Variants in SHPRH observed in about 807,000 individuals in gnomAD.
SHPRH encodes the protein SNF2 histone linker PHD RING helicase, also known as E3 ubiquitin-protein ligase SHPRH.
In SHPRH, 106 loss-of-function variants were observed where a neutral mutation model predicts 202.5. That is an observed-to-expected ratio of 0.52 (90% CI 0.45 to 0.62). The LOEUF is 0.62. Ranked by LOEUF, SHPRH falls within the 20% of genes least tolerant of loss-of-function variation. The probability of loss-of-function intolerance (pLI) is 0.00; values close to 1 mark genes in which losing one functional copy is unlikely to be tolerated. For missense variants in SHPRH, 1,710 were observed against 2,020.0 expected, an observed-to-expected ratio of 0.85 and a Z score of 2.94; for synonymous variants, 729 against 686.0, an observed-to-expected ratio of 1.06 and a Z score of -0.98.
At chr6:145,911,400 G>A (rs1459835507) in intron 24 of SHPRH, among the ~76,000 whole-genome samples, 2 of 152,076 alleles carry the variant, frequency 1.3e-5, no homozygotes, top group African/African-American at 4.8e-5. Flanking sequence ...TGGGATTACA[G>A]GTGTGAGCCA....
At chr6:145,928,028 C>T (rs1192634637) in intron 14 of SHPRH, among the ~76,000 whole-genome samples, 1 of 151,850 alleles carries the variant, frequency 6.6e-6, no homozygotes, top group Non-Finnish European at 1.5e-5. Flanking sequence ...ATTTTACATT[C>T]TTAAATAGTT....
intron 7 of SHPRH, among the ~76,000 whole-genome samples, chr6:145,946,002 G>A (rs1787335982): frequency 6.6e-6 from 1 of 151,978 alleles, no homozygotes; most frequent in South Asian, 2.1e-4. Flanking sequence ...GTAAGCTAAA[G>A]AGATTTAAAT....
At chr6:145,868,006 G>T (rs934079692) in intron 2 of SHPRH, among the ~76,000 whole-genome samples, 2 of 152,126 alleles carry the variant, frequency 1.3e-5, no homozygotes, top group Non-Finnish European at 2.9e-5. Flanking sequence ...AAACTGGGTG[G>T]CTTAAACAAC....
intron 2 of SHPRH, among the ~76,000 whole-genome samples, chr6:145,870,007 CT>C (rs1432543163): frequency 6.6e-6 from 1 of 151,444 alleles, no homozygotes; most frequent in African/African-American, 2.4e-5. Context: ...TTTAGTTATT[CT>C]TTGATTTTTT....
intron 11 of SHPRH, among the ~76,000 whole-genome samples, chr6:145,937,407 G>C (rs1786231929): frequency 6.6e-6 from 1 of 151,940 alleles, no homozygotes; most frequent in Admixed American, 6.6e-5. Flanking sequence ...ACTTTTTTCT[G>C]TTATCTTTAG....
chr6:145,950,430 G>A lies in SHPRH; in HGVS notation c.816C>T (p.Asp272=). 2 of 1,613,182 alleles carry A rather than the reference G, an allele frequency of 1.2e-6. No homozygotes were observed. Among genetic ancestry groups the A allele is most frequent in the East Asian group, 2.2e-5 (1 of 44,870 alleles). ...TCACAAAGTGATACAGCTCGTCAAT[G>A]TCTTGTCCCTCTGGCTCACTCTCCG... is the stretch of plus-strand genomic sequence containing the variant. ...DDPESEPEGQ[D]IDELYHFVKQ... is the part of the protein sequence containing the mutation. The change falls in exon 4 of 30, where the codon GAC becomes GAT. Residue 272 remains aspartate (D), a synonymous_variant. Transcript: ENST00000275233.
intron 1 of SHPRH, 29 bp from the exon 2 acceptor site, chr6:145,955,383 A>G (rs1208662980): frequency 6.6e-7 from 1 of 1,518,390 alleles, no homozygotes; most frequent in Non-Finnish European, 8.8e-7. Flanking sequence ...AACAGGAGGT[A>G]TAACAAGAGA....
downstream of SHPRH, among the ~76,000 whole-genome samples, chr6:145,863,950 A>G (rs572067037): frequency 6.6e-6 from 1 of 152,280 alleles, no homozygotes; most frequent in African/African-American, 2.4e-5. Flanking sequence ...ATTTTGTTAA[A>G]ATATCTTGTG....
intron 25 of SHPRH, chr6:145,908,807 G>C (rs1277364861): frequency 1.3e-5 from 2 of 152,006 alleles, no homozygotes; most frequent in Non-Finnish European, 2.9e-5. Context: ...TGGCATTTTT[G>C]TCATGAAGTC....
chr6:145,938,322 G>A (rs1369357395), intron 11 of SHPRH, among the ~76,000 whole-genome samples: 1 of 152,026 alleles, frequency 6.6e-6, no homozygotes, highest in African/African-American at 2.4e-5. Context: ...GATGATCCTC[G>A]CCAGTTGCCA....
chr6:145,934,315 A>T (rs1785804711), intron 13 of SHPRH, among the ~76,000 whole-genome samples: 1 of 151,766 alleles, frequency 6.6e-6, no homozygotes, highest in South Asian at 2.1e-4. Context: ...AAAAATACAA[A>T]ATTAGCCAGG....
chr6:145,877,520 T>G (rs1299920564), intron 2 of SHPRH: 1 of 152,214 alleles, frequency 6.6e-6, no homozygotes, highest in East Asian at 1.9e-4. Flanking sequence ...GAAATAATAT[T>G]TAGCCCCATA....
chr6:145,953,924 T>C (rs1562372948), intron 2 of SHPRH, among the ~76,000 whole-genome samples: 1 of 151,480 alleles, frequency 6.6e-6, no homozygotes, highest in Non-Finnish European at 1.5e-5. Context: ...TACTAGGCTG[T>C]AAAGATGAAA....
At position 145,885,487 on chromosome 6, in the gene SHPRH, A is replaced by G. The variant is rs906496993; in HGVS notation, c.*1204T>C. 1.3e-5 allele frequency: 2 copies of G among 152,278 alleles called. No individual in the cohort carries two copies. The highest frequency in any genetic ancestry group is 2.4e-5 in the African/African-American group (1 of 41,444). 9.4% of individuals were successfully genotyped at this position (152,278 alleles called of 1,614,324 possible). A position where few individuals can be genotyped will look rare whatever the true frequency, so the allele number is the denominator to read the frequency against. On this transcript the variant is annotated 3_prime_UTR_variant, in exon 30 of 30. Coordinates refer to ENST00000275233, the MANE Select transcript of SHPRH (RefSeq NM_001042683.3). ...TTTCCAGGCAGCTAACTGGGAGCTA[A>G]TAAGTCCTGAGGGTCAAAGAGGGTC...
intron 28 of SHPRH, among the ~76,000 whole-genome samples, chr6:145,891,442 C>T (rs1407071382): frequency 1.3e-5 from 2 of 152,148 alleles, no homozygotes; most frequent in African/African-American, 4.8e-5. Context: ...TACTTCCTCA[C>T]CCTGCTCTAC....
In SHPRH at chr6:145,945,488, T is replaced by C; in HGVS notation, c.1471A>G (p.Ile491Val). 6.2e-7 allele frequency: 1 copy of C among 1,613,332 alleles called. No individual in the cohort carries two copies. The stretch of plus-strand genomic sequence containing the variant: ...ATCTGTTTCACGAGACCTTCAAAAA[T>C]TAAACATTTCAGCATCCGTTTCAAA... ...SLLKRMLKCL[I>V]FEGLVKQIKG... is the part of the protein sequence containing the mutation. The change falls in exon 8 of 30, where the codon ATT (isoleucine) becomes GTT (valine). Residue 491 changes from isoleucine to valine, a missense_variant. Physicochemically the swap from Ile to Val is conservative, Grantham distance 29 (BLOSUM62 3). Around this residue, in one of 8 missense-constraint regions of SHPRH, gnomAD observed 348 missense variants for 356.9 expected, o/e 0.97. Coordinates refer to ENST00000275233, the MANE Select transcript of SHPRH (RefSeq NM_001042683.3).
chr6:145,939,675 A>G (rs1786529050), intron 11 of SHPRH, among the ~76,000 whole-genome samples: 1 of 152,152 alleles, frequency 6.6e-6, no homozygotes, highest in Non-Finnish European at 1.5e-5. Context: ...ATGAAAGGAG[A>G]CCACTAAATG....
chr6:145,897,242 C>A (rs1782091948), intron 25 of SHPRH, among the ~76,000 whole-genome samples: 1 of 151,846 alleles, frequency 6.6e-6, no homozygotes, highest in Non-Finnish European at 1.5e-5. Flanking sequence ...TACAGAGAAT[C>A]ATGAGACTTA....
intron 8 of SHPRH, 91 bp from the exon 9 acceptor site, chr6:145,943,893 G>C: frequency 8.3e-7 from 1 of 1,200,908 alleles, no homozygotes; most frequent in Non-Finnish European, 1.1e-6. Flanking sequence ...ATATAATTAT[G>C]TAGCAGCCAG....
Sources: gnomAD v4.1 joint callset for allele counts (sites outside exome capture counted in the v4.1 genomes callset) on GRCh38, gnomAD v4.1.1 for gene constraint, gnomAD v4.1.1 regional missense constraint, MANE v1.5 for transcripts, NCBI Gene and HGNC (gene_info 2026-07-23, HGNC 2026-07-21) for gene names.